The following FCSK variants were observed in gnomAD, a reference collection of about 807,000 sequenced individuals.
The protein encoded by FCSK is L-fucose kinase.
A neutral mutation model predicts 122.5 loss-of-function variants in FCSK; 123 were observed. That is an observed-to-expected ratio of 1.00 (90% confidence interval 0.87 to 1.17). The LOEUF is 1.17. Ranked by LOEUF, FCSK falls within the 50% of genes most tolerant of loss-of-function variation. The probability of loss-of-function intolerance (pLI) is 0.00; values close to 1 mark genes in which losing one functional copy is unlikely to be tolerated. For missense variants in FCSK, 1,366 were observed against 1,450.4 expected, an observed-to-expected ratio of 0.94 and a Z score of 0.95; for synonymous variants, 620 against 625.5, an observed-to-expected ratio of 0.99 and a Z score of 0.13.
At chr16:70,464,852 T>G (rs1053981839) in intron 3 of FCSK, among the ~76,000 whole-genome samples, 1 of 152,056 alleles carries the variant, frequency 6.6e-6, no homozygotes, top group African/African-American at 2.4e-5. Context: ...CACTCCAGAC[T>G]GGGTGACAGA....
intron 1 of FCSK, among the ~76,000 whole-genome samples, chr16:70,459,362 C>A (rs555832082): frequency 6.6e-6 from 1 of 152,014 alleles, no homozygotes; most frequent in Non-Finnish European, 1.5e-5. Flanking sequence ...CATGGTGAAA[C>A]CCTGTCTTTA....
chr16:70,468,746 T>G (rs2048510155), intron 8 of FCSK, 103 bp from the exon 9 acceptor site: 16 of 1,433,436 alleles, frequency 1.1e-5, no homozygotes, highest in Non-Finnish European at 1.5e-5. Flanking sequence ...CTGCCTGGTA[T>G]GGCACTCAGC....
chr16:70,474,098 C>T (rs1203208921), intron 15 of FCSK, 31 bp from the exon 16 acceptor site: 1 of 1,543,456 alleles, frequency 6.5e-7, no homozygotes, highest in South Asian at 1.2e-5. Context: ...CAGGCCTCCT[C>T]CCCTGCCACC....
At chr16:70,466,290 C>A in intron 5 of FCSK, 33 bp downstream of exon 5, 2 of 1,611,890 alleles carry the variant, frequency 1.2e-6, no homozygotes, top group Admixed American at 1.7e-5. Flanking sequence ...GGTGCCTCGT[C>A]CCAGATAGAG....
intron 13 of FCSK, among the ~76,000 whole-genome samples, chr16:70,472,001 G>T (rs1056544736): frequency 6.6e-6 from 1 of 151,986 alleles, no homozygotes; most frequent in Non-Finnish European, 1.5e-5. Context: ...TAGAGATGAG[G>T]TTTCACCGCG....
Position 70,465,117 on chromosome 16 carries a change from C to T in FCSK, c.235-9C>T. ...GGCCTCTGTTCACAGGGCTTTCCCA[C>T]TCCTGCAGGTGGTCACATCCGATGT... On this transcript the variant is annotated splice_polypyrimidine_tract_variant and intron_variant, in intron 3 of 23. Transcript: ENST00000288078. The T allele has an allele frequency of 6.2e-7, 1 of 1,613,774 alleles. No homozygotes were observed. Among genetic ancestry groups the T allele is most frequent in the Middle Eastern group, 1.6e-4 (1 of 6,062 alleles).
chr16:70,472,423 C>G (rs1233104412), intron 13 of FCSK, 118 bp from the exon 14 acceptor site: 1 of 746,670 alleles, frequency 1.3e-6, no homozygotes, highest in African/African-American at 1.8e-5. Context: ...CAAGTATGTT[C>G]TTTGTCTGTC....
Position 70,474,114 on chromosome 16 carries a change from C to A in FCSK, c.1778-15C>A. ...AGGCCTCCTCCCCTGCCACCCCCAA[C>A]TCCTTGTCCCTCAGTTGCAGCTGGG... On this transcript the variant is annotated splice_polypyrimidine_tract_variant and intron_variant, in intron 15 of 23. Coordinates refer to ENST00000288078, the MANE Select transcript of FCSK (RefSeq NM_145059.3). 8 of 1,548,508 alleles carry A rather than the reference C, an allele frequency of 5.2e-6. No individual in the cohort carries two copies. Among genetic ancestry groups the A allele is most frequent in the Non-Finnish European group, 7.0e-6 (8 of 1,146,222 alleles).
chr16:70,460,086 G>A (rs13339643), intron 1 of FCSK, among the ~76,000 whole-genome samples: 17,526 of 144,530 alleles, frequency 0.12, 3,528 homozygotes, highest in African/African-American at 0.42. Context: ...GGCGTGAGCC[G>A]CCAACCACGT....
In FCSK at chr16:70,473,412, C is replaced by A; in HGVS notation, c.1777+59C>A. The A allele has an allele frequency of 2.1e-6, 3 of 1,443,144 alleles. 1 individual carries two copies. The highest frequency in any genetic ancestry group is 2.9e-5 in the South Asian group (2 of 70,022). The allele number at this position is 1,443,144 out of a possible 1,614,324, so 89.4% of individuals were successfully genotyped here. Reference sequence around the variant, plus strand: ...GGCCAGGGGCACCTGCCCTCCCTGTCCTCTGGGCCATCCCCTGAGGGGACT... The same window carrying A: ...GGCCAGGGGCACCTGCCCTCCCTGTACTCTGGGCCATCCCCTGAGGGGACT... On this transcript the variant is annotated intron_variant, in intron 15 of 23. Coordinates refer to ENST00000288078, the MANE Select transcript of FCSK (RefSeq NM_145059.3). This position sits in a 1 kb window ranked among gnomAD's most constrained non-coding sequence, Gnocchi z 4.9.
At chr16:70,463,304 A>G (rs748622011) in intron 2 of FCSK, 32 bp downstream of exon 2, 19 of 1,564,550 alleles carry the variant, frequency 1.2e-5, no homozygotes, top group Non-Finnish European at 1.7e-5. Flanking sequence ...CTTGCCCCTA[A>G]TGGAGAACCT....
At position 70,473,190 on chromosome 16, in the gene FCSK, T is replaced by TC. The variant is rs2048687274; in HGVS notation, c.1615dup (p.Arg539ProfsTer19). On this transcript the variant is annotated frameshift_variant, in exon 15 of 24. Coordinates refer to ENST00000288078, the MANE Select transcript of FCSK (RefSeq NM_145059.3). LOFTEE classifies it high-confidence loss of function. The surrounding 1 kb of genome is among the most constrained non-coding windows in gnomAD (Gnocchi z 4.9). ...GGGAGCAGCTGCAGCCGTGCCTGGA[T>TC]CGGGCTGCCACGCTGGCCTCTCGCC... 9.7e-6 allele frequency: 15 copies of TC among 1,539,370 alleles called. No individual in the cohort carries two copies. Among genetic ancestry groups the TC allele is most frequent in the Non-Finnish European group, 1.3e-5 (15 of 1,146,544 alleles).
rs1350673880 is a variant in FCSK at position 70,469,423 on chromosome 16, C to G, written c.955+100C>G. On this transcript the variant is annotated intron_variant, in intron 10 of 23. Transcript: ENST00000288078. ...GCATGCTGGGCCAGGCAGCCCAGCA[C>G]AGGGACTGGGCAGTTCTCCTGTCCT... is the stretch of plus-strand genomic sequence containing the variant. The G allele has an allele frequency of 9.4e-6, 11 of 1,174,958 alleles. No homozygotes were observed. In the African/African-American group the frequency reaches 1.2e-4, roughly 13 times the overall value. The allele number at this position is 1,174,958 out of a possible 1,614,324, so 72.8% of individuals were successfully genotyped here. A position where few individuals can be genotyped will look rare whatever the true frequency, so the allele number is the denominator to read the frequency against.
intron 13 of FCSK, among the ~76,000 whole-genome samples, chr16:70,471,808 T>G (rs1165466334): frequency 1.5e-5 from 2 of 137,772 alleles, no homozygotes; most frequent in African/African-American, 3.4e-5. Context: ...TGGGTGGGGT[T>G]GTTGTTTTTT....
intron 20 of FCSK, chr16:70,477,335 A>C (rs1365028628): frequency 6.6e-6 from 1 of 151,938 alleles, no homozygotes; most frequent in African/African-American, 2.4e-5. Flanking sequence ...GGTGCCTGCC[A>C]CCATGCCCAG....
At chr16:70,469,055 CA>C in intron 9 of FCSK, 87 bp downstream of exon 9, 1 of 1,603,872 alleles carries the variant, frequency 6.2e-7, no homozygotes, top group Middle Eastern at 1.7e-4. Flanking sequence ...CTCTCTGGGG[CA>C]GAGTCTCCGC....
At chr16:70,471,098 T>G in intron 12 of FCSK, 26 bp downstream of exon 12, 1 of 1,592,604 alleles carries the variant, frequency 6.3e-7, no homozygotes, top group African/African-American at 1.3e-5. Context: ...GTGGGCAGAT[T>G]GGGGCGAGGG....
rs200860897 is a variant in FCSK at position 70,475,621 on chromosome 16, G to A, written c.2522-27G>A. ...CCTGGGCAGGGTGGAGGTGTTTCAT[G>A]TCTGCTCTCTCCTCTCCGCCCTGCA... On this transcript the variant is annotated intron_variant, in intron 19 of 23. Coordinates refer to ENST00000288078, the MANE Select transcript of FCSK (RefSeq NM_145059.3). 43 of 1,575,120 alleles carry A rather than the reference G, an allele frequency of 2.7e-5. No individual in the cohort carries two copies. The African/African-American group carries it at 4.9e-4, about 18-fold the overall frequency.
chr16:70,465,213 C>T (rs773169807), intron 4 of FCSK, 37 bp downstream of exon 4: 2 of 1,579,046 alleles, frequency 1.3e-6, no homozygotes, highest in Admixed American at 3.4e-5. Context: ...AGCAGAAGGC[C>T]AGAATCCCAG....
Sources: allele counts gnomAD v4.1 joint callset (sites outside exome capture counted in the v4.1 genomes callset), GRCh38; gene constraint gnomAD v4.1.1; non-coding constraint Gnocchi (gnomAD v3.1); transcripts MANE v1.5; gene names NCBI Gene and HGNC (gene_info 2026-07-23, HGNC 2026-07-21).